Variants in ACSBG1 observed in about 807,000 individuals in gnomAD.
ACSBG1 encodes the protein long-chain-fatty-acid--CoA ligase ACSBG1.
ACSBG1 carries 39 observed loss-of-function variants against 80.2 expected under a neutral mutation model. That is an observed-to-expected ratio of 0.49 (90% CI 0.38 to 0.64). ACSBG1 has a LOEUF of 0.64. ACSBG1 is among the 30% of genes least tolerant of loss of function. ACSBG1 has a pLI of 0.00. For missense variants in ACSBG1, 828 were observed against 966.4 expected (o/e 0.86, Z 1.90); for synonymous variants, 392 against 379.5 (o/e 1.03, Z -0.38).
intron 1 of ACSBG1, among the ~76,000 whole-genome samples, chr15:78,226,248 A>G (rs912125347): frequency 5.9e-5 from 9 of 152,182 alleles, no homozygotes; most frequent in African/African-American, 2.2e-4. Context: ...AAGAAATCCC[A>G]CCACTTTTGC....
chr15:78,194,126 C>A, intron 3 of ACSBG1, 106 bp from the exon 4 acceptor site: 1 of 1,084,222 alleles, frequency 9.2e-7, no homozygotes, highest in East Asian at 2.5e-5. Flanking sequence ...AGGCTCCACC[C>A]TCCCAGGGTC....
At chr15:78,199,956 C>G (rs2075151972) in intron 2 of ACSBG1, among the ~76,000 whole-genome samples, 1 of 152,220 alleles carries the variant, frequency 6.6e-6, no homozygotes, top group Non-Finnish European at 1.5e-5. Flanking sequence ...TACTCCGCCA[C>G]TCTCCACTGA....
In ACSBG1 at chr15:78,167,697, T is replaced by G. The variant is rs2074762803; in HGVS notation, c.*3747A>C. 6.6e-6 allele frequency: 1 copy of G among 152,216 alleles called. No individual in the cohort carries two copies. The highest frequency in any genetic ancestry group is 2.4e-5 in the African/African-American group (1 of 41,454). 9.4% of individuals were successfully genotyped at this position (152,216 alleles called of 1,614,324 possible). A position where few individuals can be genotyped will look rare whatever the true frequency, so the allele number is the denominator to read the frequency against. ...CCTCCCATCCTCTGACACCTGCCAT[T>G]CTGCTTCCTGTCTCTATGAATTTGA... On this transcript the variant is annotated 3_prime_UTR_variant, in exon 14 of 14. Transcript: ENST00000258873.
chr15:78,184,132 A>G (rs1298715736), intron 5 of ACSBG1, among the ~76,000 whole-genome samples: 1 of 152,202 alleles, frequency 6.6e-6, no homozygotes, highest in Admixed American at 6.5e-5. Context: ...CTCTAAAGGC[A>G]AAAAGGAATT....
Position 78,172,872 on chromosome 15 carries a change from C to A in ACSBG1, c.2089+721G>T, listed in dbSNP as rs1275032865. Among the ~76,000 whole-genome samples, 2 of 152,220 alleles carry A rather than the reference C, an allele frequency of 1.3e-5. No homozygotes were observed. Among genetic ancestry groups the A allele is most frequent in the Admixed American group, 1.3e-4 (2 of 15,284 alleles). ...GGGCAGTGGTCCGGAACAGCCTTAT[C>A]CCTTTGTCACACAAGCTGACTTTCC... is the stretch of plus-strand genomic sequence containing the variant. On this transcript the variant is annotated intron_variant, in intron 13 of 13. Coordinates refer to ENST00000258873, the MANE Select transcript of ACSBG1 (RefSeq NM_015162.5). This position sits in a 1 kb window ranked among gnomAD's most constrained non-coding sequence, Gnocchi z 4.1.
chr15:78,212,978 G>A (rs2075280024), intron 1 of ACSBG1, among the ~76,000 whole-genome samples: 1 of 152,194 alleles, frequency 6.6e-6, no homozygotes, highest in Non-Finnish European at 1.5e-5. Flanking sequence ...CTGCTTTGCA[G>A]AGACTTCTGG....
Position 78,171,421 on chromosome 15 carries a change from G to T in ACSBG1, c.*23C>A. The T allele has an allele frequency of 6.2e-7, 1 of 1,603,036 alleles. No individual in the cohort carries two copies. Among genetic ancestry groups the T allele is most frequent in the South Asian group, 1.1e-5 (1 of 90,766 alleles). On this transcript the variant is annotated 3_prime_UTR_variant, in exon 14 of 14. Transcript: ENST00000258873. ...CGGAACGCCTGCCCTCTATTCTATA[G>T]AAACTGCAGGCATAGGCCCTGATTA...
Position 78,212,472 on chromosome 15 carries a change from G to C in ACSBG1, c.132-4370C>G, listed in dbSNP as rs1019357418. On this transcript the variant is annotated intron_variant, in intron 1 of 13. Coordinates refer to ENST00000258873, the MANE Select transcript of ACSBG1 (RefSeq NM_015162.5). ...CCTAAACCCAAGTCTGGGGGTCCAG[G>C]TTGCGTGCCAACTACTTTCCCTGGG... 2.0e-5 allele frequency: 9 copies of C among 443,928 alleles called. No homozygotes were observed. The East Asian group carries it at 6.4e-4, about 32-fold the overall frequency. 27.5% of individuals were successfully genotyped at this position (443,928 alleles called of 1,614,324 possible). A position where few individuals can be genotyped will look rare whatever the true frequency, so the allele number is the denominator to read the frequency against.
Position 78,171,340 on chromosome 15 carries a change from A to T in ACSBG1, c.*104T>A. Reference sequence around the variant, plus strand: ...GTGCCCTGACCTGGAGATCTAACAGACTTGGCAGAAATGCCTGTGCCCAGA... The same window carrying T: ...GTGCCCTGACCTGGAGATCTAACAGTCTTGGCAGAAATGCCTGTGCCCAGA... On this transcript the variant is annotated 3_prime_UTR_variant, in exon 14 of 14. Coordinates refer to ENST00000258873, the MANE Select transcript of ACSBG1 (RefSeq NM_015162.5). 2 of 889,838 alleles carry T rather than the reference A, an allele frequency of 2.2e-6. No individual in the cohort carries two copies. The highest frequency in any genetic ancestry group is 3.2e-5 in the South Asian group (2 of 62,864). 55.1% of individuals were successfully genotyped at this position (889,838 alleles called of 1,614,324 possible).
intron 13 of ACSBG1, among the ~76,000 whole-genome samples, chr15:78,173,279 A>G (rs573552396): frequency 8.0e-6 from 1 of 125,544 alleles, no homozygotes; most frequent in South Asian, 2.7e-4. Flanking sequence ...CGCGAGGTGC[A>G]GGTTGCAGTG....
At chr15:78,199,176 C>T (rs957871141) in intron 2 of ACSBG1, among the ~76,000 whole-genome samples, 1 of 151,822 alleles carries the variant, frequency 6.6e-6, no homozygotes, top group African/African-American at 2.4e-5. Context: ...TCACCCAGGG[C>T]TCAAAAGATC....
intron 1 of ACSBG1, among the ~76,000 whole-genome samples, chr15:78,214,309 C>T (rs1401512624): frequency 6.6e-6 from 1 of 152,188 alleles, no homozygotes; most frequent in African/African-American, 2.4e-5. Flanking sequence ...CACACACTCC[C>T]TCATCTTTAA....
chr15:78,194,473 G>A (rs1288972467), intron 3 of ACSBG1, 33 bp downstream of exon 3: 1 of 1,602,274 alleles, frequency 6.2e-7, no homozygotes, highest in Admixed American at 1.7e-5. Flanking sequence ...CATCTGGGGA[G>A]GGGCAAGGCC....
Position 78,171,327 on chromosome 15 carries a change from G to T in ACSBG1, c.*117C>A. ...TAGAGCCAGTGCTGTGCCCTGACCT[G>T]GAGATCTAACAGACTTGGCAGAAAT... On this transcript the variant is annotated 3_prime_UTR_variant, in exon 14 of 14. Transcript: ENST00000258873. 1.3e-6 allele frequency: 1 copy of T among 751,616 alleles called. No homozygotes were observed. Among genetic ancestry groups the T allele is most frequent in the Non-Finnish European group, 2.2e-6 (1 of 456,010 alleles). The allele number at this position is 751,616 out of a possible 1,614,324, so 46.6% of individuals were successfully genotyped here. A position where few individuals can be genotyped will look rare whatever the true frequency, so the allele number is the denominator to read the frequency against.
chr15:78,207,894 CTTCCCGCAG>C (rs2075230041), intron 2 of ACSBG1, 99 bp downstream of exon 2: 4 of 858,930 alleles, frequency 4.7e-6, no homozygotes, highest in Non-Finnish European at 7.4e-6. Flanking sequence ...CCAGCTGCTC[CTTCCCGCAG>C]TTCTGTGTGG....
At chr15:78,202,840 C>T (rs886747507) in intron 2 of ACSBG1, among the ~76,000 whole-genome samples, 24 of 151,972 alleles carry the variant, frequency 1.6e-4, no homozygotes, top group Non-Finnish European at 2.4e-4. Flanking sequence ...ACATGTACAG[C>T]GAGAATGTGG....
At chr15:78,227,173 C>T (rs1309069941) in intron 1 of ACSBG1, among the ~76,000 whole-genome samples, 1 of 125,006 alleles carries the variant, frequency 8.0e-6, no homozygotes, top group Non-Finnish European at 1.6e-5. Flanking sequence ...GAGCCGATAT[C>T]ATGCCATTGC....
chr15:78,218,808 C>T (rs1327468672), intron 1 of ACSBG1, among the ~76,000 whole-genome samples: 7 of 37,156 alleles, frequency 1.9e-4, no homozygotes, highest in Admixed American at 1.1e-3. Flanking sequence ...GTATCGCTCT[C>T]CTTTTTTTTT....
At chr15:78,175,742 G>C (rs984258004) in intron 11 of ACSBG1, among the ~76,000 whole-genome samples, 27 of 152,150 alleles carry the variant, frequency 1.8e-4, no homozygotes, top group African/African-American at 6.0e-4. Flanking sequence ...TGGTTATTCA[G>C]GGACAGGCTG....
Sources: gnomAD v4.1 joint callset for allele counts (sites outside exome capture counted in the v4.1 genomes callset) on GRCh38, gnomAD v4.1.1 for gene constraint, Gnocchi (gnomAD v3.1) non-coding constraint, MANE v1.5 for transcripts, NCBI Gene and HGNC (gene_info 2026-07-23, HGNC 2026-07-21) for gene names.